UNC13A: variants seen among roughly 807,000 people sequenced by gnomAD.
UNC13A encodes unc-13 homolog A.
UNC13A carries 61 observed loss-of-function variants against 219.7 expected under a neutral mutation model. The ratio of observed to expected loss-of-function variants is 0.28; its 90% confidence interval spans 0.23 to 0.34. The LOEUF (loss-of-function observed/expected upper bound fraction) is 0.34. Ranked by LOEUF, UNC13A falls within the 10% of genes least tolerant of loss-of-function variation. UNC13A has a pLI of 1.00. For synonymous variants in UNC13A, 920 were observed against 884.6 expected (o/e 1.04, Z -0.71); for missense variants, 1,476 against 2,270.3 (o/e 0.65, Z 7.11).
At chr19:17,686,772 G>T (rs1207310992) in intron 1 of UNC13A, among the ~76,000 whole-genome samples, 1 of 151,990 alleles carries the variant, frequency 6.6e-6, no homozygotes, top group East Asian at 1.9e-4. Context: ...AAGCTGCCGC[G>T]GCGGGGAGCG....
chr19:17,608,265 AAT>A (rs1488140340), intron 43 of UNC13A, among the ~76,000 whole-genome samples: 4 of 140,382 alleles, frequency 2.8e-5, no homozygotes, highest in South Asian at 2.1e-4. Flanking sequence ...TGAAATATAT[AAT>A]ATATATACTT....
intron 7 of UNC13A, among the ~76,000 whole-genome samples, chr19:17,664,856 C>T (rs1233823959): frequency 1.3e-5 from 2 of 152,066 alleles, no homozygotes; most frequent in Admixed American, 1.3e-4. Flanking sequence ...GTGAGGGAGA[C>T]ACAGATACAG....
chr19:17,608,360 A>AATATATATTATATATGTATATAAATAT (rs2076559143), intron 43 of UNC13A, among the ~76,000 whole-genome samples: 1 of 105,732 alleles, frequency 9.5e-6, no homozygotes, highest in Non-Finnish European at 1.8e-5. Flanking sequence ...ATATAATATA[A>AATATATATTATATATGTATATAAATAT]ATATATATTA....
intron 6 of UNC13A, 55 bp downstream of exon 6, chr19:17,668,062 G>C: frequency 6.4e-7 from 1 of 1,559,310 alleles, no homozygotes; most frequent in Non-Finnish European, 8.8e-7. Flanking sequence ...GAAAATCATG[G>C]GGAGACAGAG....
intron 6 of UNC13A, among the ~76,000 whole-genome samples, chr19:17,667,108 A>T (rs1339768460): frequency 6.6e-6 from 1 of 152,126 alleles, no homozygotes; most frequent in Admixed American, 6.6e-5. Flanking sequence ...AAAATTAGCC[A>T]GGTATGGTGG....
At chr19:17,617,631 C>CA in intron 41 of UNC13A, 71 bp downstream of exon 41, 1 of 1,582,504 alleles carries the variant, frequency 6.3e-7, no homozygotes, top group Admixed American at 1.7e-5. Context: ...GAGCCAATGG[C>CA]AGCCGTTCAG....
rs775889085 is a variant in UNC13A at position 17,632,823 on chromosome 19, C to T, written c.3387G>A (p.Thr1129=). 2.0e-5 allele frequency: 32 copies of T among 1,613,800 alleles called. No homozygotes were observed. Among genetic ancestry groups the T allele is most frequent in the East Asian group, 1.1e-4 (5 of 44,890 alleles). The change falls in exon 28 of 44, where the codon ACG becomes ACA. Residue 1129 remains threonine (T), a synonymous_variant. Transcript: ENST00000519716. ...KVKWLYNEYV[T]ELPAFKDRVP... ...CGCGGTCCTTGAAGGCGGGAAGTTC[C>T]GTCACATACTCATTGTAGAGCCATT... is the stretch of plus-strand genomic sequence containing the variant.
At chr19:17,638,166 T>C (rs2076930898) in intron 25 of UNC13A, among the ~76,000 whole-genome samples, 1 of 151,650 alleles carries the variant, frequency 6.6e-6, no homozygotes, top group Non-Finnish European at 1.5e-5. Context: ...AGTTTGTACA[T>C]CTTTCCCTCA....
chr19:17,620,729 A>T lies in UNC13A; in HGVS notation c.4243-7T>A. 1 of 1,612,656 alleles carries T rather than the reference A, an allele frequency of 6.2e-7. No homozygotes were observed. Among genetic ancestry groups the T allele is most frequent in the Non-Finnish European group, 8.5e-7 (1 of 1,179,536 alleles). On this transcript the variant is annotated splice_polypyrimidine_tract_variant and splice_region_variant and intron_variant, in intron 37 of 43. Coordinates refer to ENST00000519716, the MANE Select transcript of UNC13A (RefSeq NM_001080421.3). ...TTGGCAATTTCACCCTGCCCTGTGG[A>T]GAGAATCAGGTGGAGGTCAGAGTTC...
intron 40 of UNC13A, 149 bp from the exon 41 acceptor site, chr19:17,617,998 T>A: frequency 8.8e-7 from 1 of 1,140,312 alleles, no homozygotes; most frequent in Non-Finnish European, 1.2e-6. Context: ...TCCTATGCAT[T>A]CCTCAGAACC....
intron 43 of UNC13A, 66 bp from the exon 44 acceptor site, chr19:17,606,420 T>G (rs1215684665): frequency 9.9e-6 from 15 of 1,509,652 alleles, no homozygotes; most frequent in Non-Finnish European, 2.7e-6. Flanking sequence ...CACGGCCCCG[T>G]CCCCACCGCA....
chr19:17,646,716 C>G (rs2145062578), intron 17 of UNC13A, among the ~76,000 whole-genome samples: 2 of 152,248 alleles, frequency 1.3e-5, no homozygotes, highest in East Asian at 3.9e-4. Flanking sequence ...ACCCCAGCTC[C>G]GTCCTGGGGT....
At chr19:17,607,185 G>A (rs1305955675) in intron 43 of UNC13A, among the ~76,000 whole-genome samples, 1 of 152,078 alleles carries the variant, frequency 6.6e-6, no homozygotes, top group Non-Finnish European at 1.5e-5. Flanking sequence ...TGTCCCATAA[G>A]AGCTCCCAGG....
At chr19:17,660,887 G>C (rs2079539503) in intron 8 of UNC13A, among the ~76,000 whole-genome samples, 1 of 151,880 alleles carries the variant, frequency 6.6e-6, no homozygotes, top group African/African-American at 2.4e-5. Context: ...TATCGAGCTT[G>C]CCCTGTCTGC....
chr19:17,644,463 G>A (rs1370640377), intron 19 of UNC13A, among the ~76,000 whole-genome samples: 4 of 150,104 alleles, frequency 2.7e-5, no homozygotes, highest in African/African-American at 9.8e-5. Context: ...AATATGTTGG[G>A]ATAACAGGTG....
chr19:17,630,010 TC>T, intron 30 of UNC13A, 134 bp downstream of exon 30: 1 of 1,041,670 alleles, frequency 9.6e-7, no homozygotes, highest in Non-Finnish European at 1.4e-6. Context: ...CAACCCAAAC[TC>T]CAACTTCAAT....
chr19:17,658,657 A>C (rs1166461738), intron 8 of UNC13A, among the ~76,000 whole-genome samples: 1 of 152,218 alleles, frequency 6.6e-6, no homozygotes, highest in Non-Finnish European at 1.5e-5. Context: ...TCACACAGAC[A>C]GTCAGGGGGA....
intron 8 of UNC13A, 110 bp downstream of exon 8, chr19:17,663,422 C>A: frequency 7.8e-7 from 1 of 1,284,444 alleles, no homozygotes; most frequent in Non-Finnish European, 1.1e-6. Flanking sequence ...CCCACGTGCT[C>A]GTCACAGGCT....
chr19:17,606,218 C>T lies in UNC13A; in HGVS notation c.4948G>A (p.Ala1650Thr), dbSNP rs777719364. The T allele has an allele frequency of 1.9e-6, 3 of 1,553,546 alleles. No homozygotes were observed. The highest frequency in any genetic ancestry group is 2.5e-5 in the East Asian group (1 of 40,680). ...LRELAQRGSA[A>T]CWLPLGRRIH... ...CGGCGGCCGAGCGGCAGCCAGCAGGCGGCGCTCCCGCGCTGGGCCAGCTCA... is the reference window on the plus strand; with the variant it reads ...CGGCGGCCGAGCGGCAGCCAGCAGGTGGCGCTCCCGCGCTGGGCCAGCTCA... Residue 1650 changes from alanine to threonine, a missense_variant, in exon 44 of 44, where the codon GCC (alanine) becomes ACC (threonine). Ala to Thr is a moderately conservative substitution (Grantham distance 58, BLOSUM62 0). Transcript: ENST00000519716.
Sources: allele counts gnomAD v4.1 joint callset (sites outside exome capture counted in the v4.1 genomes callset), GRCh38; gene constraint gnomAD v4.1.1; transcripts MANE v1.5; gene names NCBI Gene and HGNC (gene_info 2026-07-23, HGNC 2026-07-21).